Variants in HCK observed in about 807,000 individuals in gnomAD.
HCK encodes HCK proto-oncogene, Src family tyrosine kinase.
Under a neutral mutation model 70.4 loss-of-function variants are expected in HCK, and 40 were observed. The ratio of observed to expected loss-of-function variants is 0.57; its 90% CI spans 0.44 to 0.74. The LOEUF (loss-of-function observed/expected upper bound fraction) is 0.74, where lower values mean the gene tolerates loss of function less well. HCK is among the 30% of genes least tolerant of loss of function. The pLI is 0.00. For missense variants in HCK, 568 were observed against 697.2 expected (o/e 0.81, Z 2.09); for synonymous variants, 245 against 263.2 (o/e 0.93, Z 0.67).
At chr20:32,096,568 C>A (rs1259414668) in intron 11 of HCK, among the ~76,000 whole-genome samples, 1 of 150,356 alleles carries the variant, frequency 6.7e-6, no homozygotes, top group Non-Finnish European at 1.5e-5. Context: ...GGGGTGAGAT[C>A]ATAGCTCACT....
Position 32,101,729 on chromosome 20 carries a change from C to A in HCK, c.*210C>A, listed in dbSNP as rs1238955840. On this transcript the variant is annotated 3_prime_UTR_variant, in exon 13 of 13. Coordinates refer to ENST00000375852, the MANE Select transcript of HCK (RefSeq NM_002110.5). ...ACAATCTGACATTCTCAGGAAGCCCCCAAGTTGATATTTCTATTTCCTGGA... is the reference window on the plus strand; with the variant it reads ...ACAATCTGACATTCTCAGGAAGCCCACAAGTTGATATTTCTATTTCCTGGA... 6.6e-6 allele frequency: 3 copies of A among 455,740 alleles called. No individual in the cohort carries two copies. Among genetic ancestry groups the A allele is most frequent in the Non-Finnish European group, 1.2e-5 (3 of 256,770 alleles). The allele number at this position is 455,740 out of a possible 1,614,324, so 28.2% of individuals were successfully genotyped here.
Position 32,077,837 on chromosome 20 carries a change from T to G in HCK, c.429-1937T>G, listed in dbSNP as rs1158348217. 5.9e-5 allele frequency among the ~76,000 whole-genome samples: 9 copies of G among 151,962 alleles called. No homozygotes were observed. The South Asian group carries it at 1.7e-3, about 28-fold the overall frequency. ...CTGCTCCCGGACACCTCCTTCCTTT[T>G]TATACCACAGGGCGTCTGTCCTGTA... On this transcript the variant is annotated intron_variant, in intron 5 of 12. Coordinates refer to ENST00000375852, the MANE Select transcript of HCK (RefSeq NM_002110.5).
At chr20:32,082,938 C>T (rs1355741570) in intron 6 of HCK, among the ~76,000 whole-genome samples, 1 of 152,090 alleles carries the variant, frequency 6.6e-6, no homozygotes, top group Non-Finnish European at 1.5e-5. Flanking sequence ...CAAATTAATA[C>T]AAACTTAGTG....
At chr20:32,062,285 CA>C (rs1600708800) in intron 1 of HCK, among the ~76,000 whole-genome samples, 2 of 152,254 alleles carry the variant, frequency 1.3e-5, no homozygotes, top group East Asian at 3.9e-4. Context: ...AGGCAGAATG[CA>C]GATTCAAACC....
At chr20:32,094,834 AAAGAAAGAAAG>A (rs2045931886) in intron 11 of HCK, among the ~76,000 whole-genome samples, 2 of 129,918 alleles carry the variant, frequency 1.5e-5, no homozygotes, top group African/African-American at 5.6e-5. Context: ...AGAAAGAAAG[AAAGAAAGAAAG>A]AAAGAAAAGA....
chr20:32,061,996 G>A (rs189470002), intron 1 of HCK, among the ~76,000 whole-genome samples: 100 of 145,940 alleles, frequency 6.9e-4, no homozygotes, highest in Non-Finnish European at 1.1e-3. Flanking sequence ...CTGGACTGCA[G>A]TGGTGCGACC....
At chr20:32,082,865 C>T (rs543675255) in intron 6 of HCK, among the ~76,000 whole-genome samples, 1 of 152,002 alleles carries the variant, frequency 6.6e-6, no homozygotes, top group Admixed American at 6.5e-5. Flanking sequence ...CTTTTGAAGG[C>T]AAAAACTGCA....
At chr20:32,052,620 G>T in intron 1 of HCK, 134 bp downstream of exon 1, 1 of 601,202 alleles carries the variant, frequency 1.7e-6, no homozygotes, top group Non-Finnish European at 2.5e-6. Flanking sequence ...AACGTCGGGG[G>T]AGCCGCGGGT....
chr20:32,062,212 T>A (rs2045390551), intron 1 of HCK, among the ~76,000 whole-genome samples: 1 of 152,138 alleles, frequency 6.6e-6, no homozygotes, highest in South Asian at 2.1e-4. Flanking sequence ...AGTGCTGGGA[T>A]TACAGGTGTG....
intron 10 of HCK, among the ~76,000 whole-genome samples, chr20:32,089,738 C>T (rs769707140): frequency 3.9e-5 from 6 of 152,250 alleles, no homozygotes; most frequent in Non-Finnish European, 7.4e-5. Context: ...AGTGTAAGGA[C>T]GGGGTGGTAT....
intron 1 of HCK, 58 bp downstream of exon 1, chr20:32,052,544 G>A (rs2045188826): frequency 2.5e-6 from 3 of 1,194,582 alleles, no homozygotes; most frequent in South Asian, 3.3e-5. Flanking sequence ...CCCAGGAGGC[G>A]GAGGGAGCCC....
intron 5 of HCK, among the ~76,000 whole-genome samples, chr20:32,077,420 A>T (rs2122551550): frequency 6.6e-6 from 1 of 152,302 alleles, no homozygotes; most frequent in East Asian, 1.9e-4. Flanking sequence ...ATAAGAAAAG[A>T]CATCTCTTCC....
In HCK at chr20:32,086,826, G is replaced by A. The variant is rs774137091; in HGVS notation, c.1015+19G>A. The A allele has an allele frequency of 1.3e-6, 2 of 1,561,176 alleles. No individual in the cohort carries two copies. The highest frequency in any genetic ancestry group is 1.2e-5 in the South Asian group (1 of 81,412). The stretch of plus-strand genomic sequence containing the variant: ...GCCAAAGGTGCTGCGTGCTGGGGCT[G>A]GGGGTGCAGGCTGTGGCCTATACTG... On this transcript the variant is annotated intron_variant, in intron 9 of 12. Coordinates refer to ENST00000375852, the MANE Select transcript of HCK (RefSeq NM_002110.5).
chr20:32,078,532 C>G (rs996775815), intron 5 of HCK, among the ~76,000 whole-genome samples: 3 of 152,006 alleles, frequency 2.0e-5, no homozygotes, highest in Non-Finnish European at 1.5e-5. Context: ...CTAGGCAAGT[C>G]ACTTGCCCTC....
chr20:32,073,360 G>A lies in HCK; in HGVS notation c.225G>A (p.Glu75=), dbSNP rs745324001. 2 of 1,611,504 alleles carry A rather than the reference G, an allele frequency of 1.2e-6. No individual in the cohort carries two copies. Among genetic ancestry groups the A allele is most frequent in the South Asian group, 1.1e-5 (1 of 90,744 alleles). ...ACAGCAACACACCAGGAATCAGGGA[G>A]GGTAAGTATCTACGAGCAGATGCAG... Residue 75 remains glutamate, a splice_region_variant and synonymous_variant, in exon 3 of 13, where the codon GAG becomes GAA. Transcript: ENST00000375852.
chr20:32,093,581 C>T (rs753818592), intron 10 of HCK, among the ~76,000 whole-genome samples: 13 of 151,776 alleles, frequency 8.6e-5, no homozygotes, highest in Non-Finnish European at 1.0e-4. Context: ...GAGAAATAGT[C>T]CCATTGCTTT....
chr20:32,079,016 G>A (rs2045670442), intron 5 of HCK, among the ~76,000 whole-genome samples: 1 of 152,174 alleles, frequency 6.6e-6, no homozygotes, highest in Non-Finnish European at 1.5e-5. Flanking sequence ...TCACACTGCA[G>A]GTTTGTGGCA....
chr20:32,058,454 C>T (rs941246348), intron 1 of HCK, among the ~76,000 whole-genome samples: 1 of 151,622 alleles, frequency 6.6e-6, no homozygotes, highest in Middle Eastern at 3.2e-3. Flanking sequence ...ATTGCTGGAA[C>T]CCGGGAGGCA....
intron 11 of HCK, among the ~76,000 whole-genome samples, chr20:32,094,791 A>AAGAG (rs1174680314): frequency 4.6e-5 from 1 of 21,710 alleles, no homozygotes; most frequent in South Asian, 2.5e-3. Context: ...GAGAAAGAGA[A>AAGAG]AGAAAGAAAG....
Sources: allele counts gnomAD v4.1 joint callset (sites outside exome capture counted in the v4.1 genomes callset), GRCh38; gene constraint gnomAD v4.1.1; transcripts MANE v1.5; gene names NCBI Gene and HGNC (gene_info 2026-07-23, HGNC 2026-07-21).